The following FAM178B variants were observed in gnomAD, a reference collection of about 807,000 sequenced individuals.
The protein encoded by FAM178B is family with sequence similarity 178 member B.
Under a neutral mutation model 91.7 loss-of-function variants are expected in FAM178B, and 82 were observed. The ratio of observed to expected loss-of-function variants is 0.89; its 90% CI spans 0.75 to 1.07. The LOEUF (loss-of-function observed/expected upper bound fraction) is 1.07. Ranked by LOEUF, FAM178B falls within the 50% of genes least tolerant of loss-of-function variation. FAM178B has a pLI of 0.00. For synonymous variants in FAM178B, 368 were observed against 359.4 expected (o/e 1.02, Z -0.27); for missense variants, 769 against 846.7 (o/e 0.91, Z 1.14).
At chr2:96,936,203 A>T (rs1157227390) in intron 8 of FAM178B, among the ~76,000 whole-genome samples, 1 of 151,666 alleles carries the variant, frequency 6.6e-6, no homozygotes, top group Non-Finnish European at 1.5e-5. Context: ...TTATTTATTT[A>T]TTATTTATTT....
chr2:96,888,306 A>G (rs1379950422), intron 14 of FAM178B, among the ~76,000 whole-genome samples: 4 of 152,246 alleles, frequency 2.6e-5, no homozygotes, highest in African/African-American at 9.6e-5. Context: ...GTTTCCTCCC[A>G]GCCCTCCTGA....
chr2:96,888,069 C>T (rs1483727479), intron 14 of FAM178B, among the ~76,000 whole-genome samples: 1 of 152,276 alleles, frequency 6.6e-6, no homozygotes, highest in African/African-American at 2.4e-5. Flanking sequence ...TGAGCCTGGG[C>T]CCTGCCTGGC....
intron 14 of FAM178B, among the ~76,000 whole-genome samples, chr2:96,880,946 G>T (rs993343880): frequency 2.0e-5 from 3 of 152,060 alleles, no homozygotes; most frequent in African/African-American, 7.2e-5. Context: ...AACCTAACTG[G>T]GTTTGGGGTG....
chr2:96,964,149 GAC>G (rs55666658), intron 5 of FAM178B, among the ~76,000 whole-genome samples: 80,322 of 151,440 alleles, frequency 0.53, 27,398 homozygotes, highest in Non-Finnish European at 0.76. Context: ...CAGCCTGGGC[GAC>G]AGAGTGAGAC....
At chr2:96,879,365 G>A (rs1023221036) in intron 14 of FAM178B, among the ~76,000 whole-genome samples, 2 of 152,166 alleles carry the variant, frequency 1.3e-5, no homozygotes, top group Non-Finnish European at 2.9e-5. Flanking sequence ...GGTGACAATA[G>A]GCTGGAGCTC....
intron 14 of FAM178B, among the ~76,000 whole-genome samples, chr2:96,887,251 AG>A (rs2080549009): frequency 6.6e-6 from 1 of 152,108 alleles, no homozygotes; most frequent in Admixed American, 6.6e-5. Flanking sequence ...AACCGTTTGC[AG>A]AAATAAGGTC....
chr2:96,978,254 A>G (rs945012199), intron 1 of FAM178B, among the ~76,000 whole-genome samples: 1 of 152,206 alleles, frequency 6.6e-6, no homozygotes, highest in African/African-American at 2.4e-5. Flanking sequence ...TTCTATGAAC[A>G]TCATCTTCCT....
At chr2:96,904,350 A>C (rs1034367375) in intron 12 of FAM178B, among the ~76,000 whole-genome samples, 2 of 152,002 alleles carry the variant, frequency 1.3e-5, no homozygotes, top group African/African-American at 4.8e-5. Flanking sequence ...AGACACAAAA[A>C]ATGTATCTGC....
intron 13 of FAM178B, among the ~76,000 whole-genome samples, chr2:96,895,988 TG>T (rs1365970958): frequency 4.6e-5 from 7 of 152,198 alleles, no homozygotes; most frequent in Non-Finnish European, 1.0e-4. Flanking sequence ...AGGAAGGTTC[TG>T]GGCGAAGGGA....
At chr2:96,984,688 G>C (rs1261114306) in intron 1 of FAM178B, among the ~76,000 whole-genome samples, 1 of 152,234 alleles carries the variant, frequency 6.6e-6, no homozygotes, top group African/African-American at 2.4e-5. Context: ...GCTACCAGCT[G>C]TTTCTTCCCT....
intron 13 of FAM178B, among the ~76,000 whole-genome samples, chr2:96,901,327 C>G (rs1357222746): frequency 6.6e-6 from 1 of 151,996 alleles, no homozygotes; most frequent in Non-Finnish European, 1.5e-5. Flanking sequence ...CGCCTGCCAG[C>G]ATGCCCGGCT....
chr2:96,970,416 C>T (rs1449940125), intron 4 of FAM178B, among the ~76,000 whole-genome samples: 24 of 152,328 alleles, frequency 1.6e-4, no homozygotes, highest in Admixed American at 1.4e-3. Flanking sequence ...ACTTCCCTCT[C>T]ACATAACCCT....
At chr2:96,948,761 G>A (rs1278090346) in intron 7 of FAM178B, among the ~76,000 whole-genome samples, 2 of 152,204 alleles carry the variant, frequency 1.3e-5, no homozygotes, top group Non-Finnish European at 2.9e-5. Flanking sequence ...TCTGAGCCTT[G>A]ACCTTGGAGG....
intron 12 of FAM178B, among the ~76,000 whole-genome samples, chr2:96,911,416 G>C (rs908805989): frequency 1.3e-5 from 2 of 152,208 alleles, no homozygotes; most frequent in South Asian, 4.1e-4. Flanking sequence ...TCTTGAGTTG[G>C]GGTGGCTGCC....
chr2:96,977,779 A>ACAAT (rs1346980677), intron 1 of FAM178B: 3 of 454,526 alleles, frequency 6.6e-6, no homozygotes, highest in African/African-American at 6.0e-5. Flanking sequence ...TGTCATCCTA[A>ACAAT]CAATGTAAGA....
rs74492791 is a variant in FAM178B at position 96,928,979 on chromosome 2, C to T, written c.1193+227G>A. Among the ~76,000 whole-genome samples, 22 of 152,060 alleles carry T rather than the reference C, an allele frequency of 1.4e-4. No individual in the cohort carries two copies. In the South Asian group the frequency reaches 3.7e-3, roughly 26 times the overall value. On this transcript the variant is annotated intron_variant, in intron 9 of 16. Coordinates refer to ENST00000490605, the MANE Select transcript of FAM178B (RefSeq NM_001122646.3). ...AGCCTGGACAACGTAGGGAGACCCC[C>T]CCCCGCCACCTCTACAAAAAATTAA...
At chr2:96,983,498 T>C (rs1263541297) in intron 1 of FAM178B, among the ~76,000 whole-genome samples, 1 of 151,476 alleles carries the variant, frequency 6.6e-6, no homozygotes, top group Non-Finnish European at 1.5e-5. Flanking sequence ...TGATAACAGC[T>C]CACTGCAGCC....
intron 13 of FAM178B, among the ~76,000 whole-genome samples, chr2:96,896,556 T>C (rs1264736530): frequency 6.6e-6 from 1 of 152,116 alleles, no homozygotes; most frequent in Non-Finnish European, 1.5e-5. Context: ...CGAGAAGCAA[T>C]GATCCCTCAG....
chr2:96,945,738 T>C (rs910184418), intron 8 of FAM178B, among the ~76,000 whole-genome samples: 3 of 152,236 alleles, frequency 2.0e-5, no homozygotes, highest in South Asian at 2.1e-4. Flanking sequence ...AAATGCTTCC[T>C]GAAATGGCAG....
Sources: gnomAD v4.1 joint callset for allele counts (sites outside exome capture counted in the v4.1 genomes callset) on GRCh38, gnomAD v4.1.1 for gene constraint, MANE v1.5 for transcripts, NCBI Gene and HGNC (gene_info 2026-07-23, HGNC 2026-07-21) for gene names.